Variants in CFAP74 observed in about 807,000 individuals in gnomAD.
CFAP74 encodes the protein cilia- and flagella-associated protein 74.
A neutral mutation model predicts 188.9 loss-of-function variants in CFAP74; 124 were observed. That is an observed-to-expected ratio of 0.66 (90% CI 0.57 to 0.76). The LOEUF is 0.76. Ranked by LOEUF, CFAP74 falls within the 30% of genes least tolerant of loss-of-function variation. CFAP74 has a pLI of 0.00. For missense variants in CFAP74, 2,198 were observed against 2,165.2 expected (o/e 1.02, Z -0.30); for synonymous variants, 956 against 916.7 (o/e 1.04, Z -0.77).
chr1:1,971,368 C>A (rs1281713438), intron 9 of CFAP74, among the ~76,000 whole-genome samples: 1 of 151,128 alleles, frequency 6.6e-6, no homozygotes, highest in East Asian at 2.2e-4. Context: ...CCTGCACACA[C>A]ACGGTCACAC....
At chr1:1,958,133 G>A (rs1198345722) in intron 16 of CFAP74, among the ~76,000 whole-genome samples, 5 of 152,242 alleles carry the variant, frequency 3.3e-5, no homozygotes, top group East Asian at 3.8e-4. Context: ...GAGGAAGCAC[G>A]CGACAGAGAA....
At chr1:1,930,392 C>A in intron 25 of CFAP74, 56 bp from the exon 26 acceptor site, 1 of 1,456,094 alleles carries the variant, frequency 6.9e-7, no homozygotes, top group Non-Finnish European at 9.1e-7. Flanking sequence ...TGTCCCTCTG[C>A]GGCAGGCGCG....
At chr1:1,959,866 G>C (rs1369373677) in intron 15 of CFAP74, 98 bp downstream of exon 15, 2 of 1,037,644 alleles carry the variant, frequency 1.9e-6, no homozygotes, top group East Asian at 5.9e-5. Flanking sequence ...GAGGCCAAGT[G>C]CATCCTTCCC....
intron 9 of CFAP74, among the ~76,000 whole-genome samples, chr1:1,971,446 CAT>C (rs563965674): frequency 2.2e-4 from 34 of 152,084 alleles, no homozygotes; most frequent in African/African-American, 2.9e-4. Context: ...TGCACACACA[CAT>C]GCTCACACAC....
At chr1:1,971,696 C>T (rs966262843) in intron 9 of CFAP74, among the ~76,000 whole-genome samples, 5 of 152,242 alleles carry the variant, frequency 3.3e-5, no homozygotes, top group Non-Finnish European at 7.3e-5. Flanking sequence ...CCCAGGCCCT[C>T]CATGTGTCTC....
chr1:2,001,416 G>C (rs574888988), intron 1 of CFAP74, among the ~76,000 whole-genome samples: 1 of 151,188 alleles, frequency 6.6e-6, no homozygotes, highest in African/African-American at 2.4e-5. Flanking sequence ...TGCAAACTCC[G>C]CCTCCTGGGT....
rs144702864 is a variant in CFAP74 at position 1,923,904 on chromosome 1, G to T, written c.4260C>A (p.Ser1420Arg). ...VVGTQNLNGQ[S>R]VFSVAPVKGV... Reference sequence around the variant, plus strand: ...CCTTGACGGGGGCCACGCTGAACACGCTCTGACCGTTGAGATTCTGCGTCC... The same window carrying T: ...CCTTGACGGGGGCCACGCTGAACACTCTCTGACCGTTGAGATTCTGCGTCC... The change falls in exon 35 of 39, where the codon AGC becomes AGA. Residue 1420 changes from serine (S) to arginine (R), a missense_variant. By Grantham distance (110) the Ser-to-Arg change is moderately radical (BLOSUM62 -1). Coordinates refer to ENST00000682832, the MANE Select transcript of CFAP74 (RefSeq NM_001304360.2). The surrounding 1 kb of genome is among the most constrained non-coding windows in gnomAD (Gnocchi z 6.3). The T allele has an allele frequency of 3.1e-6, 5 of 1,611,964 alleles. No individual in the cohort carries two copies. The highest frequency in any genetic ancestry group is 4.2e-6 in the Non-Finnish European group (5 of 1,179,268).
At chr1:1,937,117 A>C (rs1652955308) in intron 25 of CFAP74, among the ~76,000 whole-genome samples, 1 of 152,184 alleles carries the variant, frequency 6.6e-6, no homozygotes, top group African/African-American at 2.4e-5. Flanking sequence ...TGCCTCAGAG[A>C]GTTCAGAAAG....
chr1:1,964,808 T>G, intron 13 of CFAP74, 80 bp downstream of exon 13: 1 of 1,509,648 alleles, frequency 6.6e-7, no homozygotes, highest in Non-Finnish European at 9.1e-7. Context: ...GCAAAAGGTG[T>G]CAGGGGTTGG....
At chr1:1,946,965 T>C (rs1396337790) in intron 19 of CFAP74, 25 bp downstream of exon 19, 42 of 1,522,136 alleles carry the variant, frequency 2.8e-5, no homozygotes, top group Non-Finnish European at 3.6e-5. Context: ...TCGTGGCAGC[T>C]ATTTTAGGGC....
intron 1 of CFAP74, among the ~76,000 whole-genome samples, chr1:1,998,952 C>G (rs6605079): frequency 0.35 from 52,610 of 152,004 alleles, 10,168 homozygotes; most frequent in African/African-American, 0.53. Context: ...TCAAGCACTA[C>G]AAACTCAATG....
intron 2 of CFAP74, 91 bp from the exon 3 acceptor site, chr1:1,989,064 G>A (rs2102106446): frequency 1.6e-6 from 1 of 637,614 alleles, no homozygotes; most frequent in South Asian, 1.8e-5. Context: ...CTTTTTTTGG[G>A]ACAGGGTGTA....
intron 18 of CFAP74, among the ~76,000 whole-genome samples, chr1:1,949,923 G>A (rs1457880577): frequency 6.6e-6 from 1 of 152,156 alleles, no homozygotes; most frequent in East Asian, 1.9e-4. Flanking sequence ...CTCCCCACGC[G>A]TGGGACATTA....
chr1:1,922,282 G>A lies in CFAP74; in HGVS notation c.*5C>T. 3 of 1,607,604 alleles carry A rather than the reference G, an allele frequency of 1.9e-6. No individual in the cohort carries two copies. The South Asian group carries it at 3.3e-5, about 18-fold the overall frequency. ...GGAGGGCCCGAGGGTGCTCTGTGCA[G>A]AGGCTTAGGGGCCAGTCAACACCTG... On this transcript the variant is annotated 3_prime_UTR_variant, in exon 39 of 39. Coordinates refer to ENST00000682832, the MANE Select transcript of CFAP74 (RefSeq NM_001304360.2).
chr1:1,985,607 G>T, intron 5 of CFAP74, 117 bp from the exon 6 acceptor site: 2 of 800,282 alleles, frequency 2.5e-6, no homozygotes, highest in Non-Finnish European at 4.2e-6. Context: ...CTCGGCACTG[G>T]GCCACCTAGC....
At chr1:1,926,196 C>A in intron 32 of CFAP74, 32 bp downstream of exon 32, 1 of 1,474,996 alleles carries the variant, frequency 6.8e-7, no homozygotes, top group South Asian at 1.4e-5. Flanking sequence ...AGCCTTGGGC[C>A]GCAGTGTGGC....
rs1254860228 is a variant in CFAP74 at position 1,923,541 on chromosome 1, C to T, written c.4390-42G>A. ...GAGTGGCCTTGTCCCCGAAGCTCGG[C>T]GGCAGGGGTCCTGCTGGTGAGAGCT... On this transcript the variant is annotated intron_variant, in intron 35 of 38. Transcript: ENST00000682832. This position sits in a 1 kb window ranked among gnomAD's most constrained non-coding sequence, Gnocchi z 6.3. 3 of 1,590,610 alleles carry T rather than the reference C, an allele frequency of 1.9e-6. No homozygotes were observed. Among genetic ancestry groups the T allele is most frequent in the East Asian group, 2.3e-5 (1 of 44,370 alleles).
chr1:1,944,389 C>G lies in CFAP74; in HGVS notation c.2428G>C (p.Asp810His). 2 of 1,536,142 alleles carry G rather than the reference C, an allele frequency of 1.3e-6. No homozygotes were observed. Among genetic ancestry groups the G allele is most frequent in the Non-Finnish European group, 8.7e-7 (1 of 1,146,908 alleles). The change falls in exon 21 of 39, where the codon GAC becomes CAC. Residue 810 changes from aspartate to histidine, a missense_variant. Transcript: ENST00000682832. ...VPVWVPKPSV[D>H]LKICMYDRLY... Reference sequence around the variant, plus strand: ...CGGTCATACATGCAGATCTTCAGGTCCACGCTGGGCTTCGGCACCCAGACC... The same window carrying G: ...CGGTCATACATGCAGATCTTCAGGTGCACGCTGGGCTTCGGCACCCAGACC...
At chr1:1,971,251 TCA>T (rs1349460434) in intron 9 of CFAP74, among the ~76,000 whole-genome samples, 1 of 126,952 alleles carries the variant, frequency 7.9e-6, no homozygotes, top group Non-Finnish European at 1.6e-5. Flanking sequence ...ATGCACACAC[TCA>T]CGCATGCACA....
Sources: gnomAD v4.1 joint callset for allele counts (sites outside exome capture counted in the v4.1 genomes callset) on GRCh38, gnomAD v4.1.1 for gene constraint, Gnocchi (gnomAD v3.1) non-coding constraint, MANE v1.5 for transcripts, NCBI Gene and HGNC (gene_info 2026-07-23, HGNC 2026-07-21) for gene names.